TIAM1: variants seen among roughly 807,000 people sequenced by gnomAD.
TIAM1 encodes TIAM Rac1 associated GEF 1.
TIAM1 carries 65 observed loss-of-function variants against 163.5 expected under a neutral mutation model. The ratio of observed to expected loss-of-function variants is 0.40; its 90% CI spans 0.33 to 0.49. The LOEUF is 0.49. Among genes scored for constraint, TIAM1 ranks in the 20% least tolerant of loss-of-function variants. The pLI is 0.77. For missense variants in TIAM1, 1,789 were observed against 2,044.7 expected, an observed-to-expected ratio of 0.87 and a Z score of 2.41; for synonymous variants, 833 against 810.1, an observed-to-expected ratio of 1.03 and a Z score of -0.48.
rs560091206 is a variant in TIAM1 at position 31,251,858 on chromosome 21, C to T, written c.1295G>A (p.Gly432Asp). 1 of 1,613,868 alleles carries T rather than the reference C, an allele frequency of 6.2e-7. No homozygotes were observed. Among genetic ancestry groups the T allele is most frequent in the Non-Finnish European group, 8.5e-7 (1 of 1,179,926 alleles). Reference sequence around the variant, plus strand: ...CAGGGCGCCGGCCTTGCGCACCGTGCCCTGTGCGGCGGTCAGCAGGATGTC... The same window carrying T: ...CAGGGCGCCGGCCTTGCGCACCGTGTCCTGTGCGGCGGTCAGCAGGATGTC... ...QSDILLTAAQGTVRKAGALAV... is the reference protein window; with the variant it reads ...QSDILLTAAQDTVRKAGALAV... Residue 432 changes from glycine (G) to aspartate (D), a missense_variant, in exon 5 of 28, where the codon GGC becomes GAC. Gly to Asp is a moderately conservative substitution (Grantham distance 94). Transcript: ENST00000541036.
chr21:31,266,651 C>A lies in TIAM1; in HGVS notation c.322G>T (p.Val108Phe), dbSNP rs2072788955. 1.2e-6 allele frequency: 2 copies of A among 1,614,194 alleles called. No homozygotes were observed. Among genetic ancestry groups the A allele is most frequent in the Non-Finnish European group, 8.5e-7 (1 of 1,180,048 alleles). ...ATGCTGCTGTCTACGCTGGGAGTGA[C>A]AGAAGAGTCAGTGTAAGACACAGGT... Reference protein sequence around the residue: ...LRPVSYTDSSVTPSVDSSIVL... With the variant: ...LRPVSYTDSSFTPSVDSSIVL... The change falls in exon 4 of 28, where the codon GTC becomes TTC. Residue 108 changes from valine to phenylalanine, a missense_variant. This residue lies in a region of TIAM1 where 555 missense variants were observed against 564.9 expected (regional missense o/e 0.98). Transcript: ENST00000541036.
chr21:31,497,950 C>A (rs1321984811), intron 1 of TIAM1, among the ~76,000 whole-genome samples: 1 of 152,212 alleles, frequency 6.6e-6, no homozygotes, highest in Non-Finnish European at 1.5e-5. Context: ...GACTTACAAG[C>A]CACAATTCCC....
At chr21:31,514,876 G>C in intron 1 of TIAM1, among the ~76,000 whole-genome samples, 1 of 152,228 alleles carries the variant, frequency 6.6e-6, no homozygotes, top group South Asian at 2.1e-4. Context: ...ACGGGACAAA[G>C]CAGACTTTGT....
intron 9 of TIAM1, among the ~76,000 whole-genome samples, 185 bp downstream of exon 9, chr21:31,217,368 T>C (rs1277080981): frequency 6.6e-6 from 1 of 152,178 alleles, no homozygotes; most frequent in Admixed American, 6.5e-5. Context: ...GATAGACTAA[T>C]AGCAGAGTTC....
chr21:31,243,225 T>C (rs1203100508), intron 6 of TIAM1, among the ~76,000 whole-genome samples: 4 of 144,988 alleles, frequency 2.8e-5, no homozygotes. Context: ...TATATATATA[T>C]GTATATTTCA....
At chr21:31,282,524 T>C (rs528124051) in intron 2 of TIAM1, among the ~76,000 whole-genome samples, 1 of 152,308 alleles carries the variant, frequency 6.6e-6, no homozygotes, top group African/African-American at 2.4e-5. Flanking sequence ...TGATTGTAGC[T>C]GGGACATGCT....
chr21:31,255,830 G>A (rs539073823), intron 4 of TIAM1, among the ~76,000 whole-genome samples: 2 of 152,270 alleles, frequency 1.3e-5, no homozygotes, highest in South Asian at 2.1e-4. Context: ...GAACCACTCC[G>A]TTGAAGAGAT....
Position 31,120,197 on chromosome 21 carries a change from G to T in TIAM1, c.*171C>A. On this transcript the variant is annotated 3_prime_UTR_variant, in exon 28 of 28. Transcript: ENST00000541036. This position sits in a 1 kb window ranked among gnomAD's most constrained non-coding sequence, Gnocchi z 4.2. The stretch of plus-strand genomic sequence containing the variant: ...ATTCTGATCAATTCTTTCTGATGTT[G>T]TTGAAAATGACAAAGTTGGGTGGCT... 1.7e-6 allele frequency: 1 copy of T among 602,684 alleles called. No homozygotes were observed. 37.3% of individuals were successfully genotyped at this position (602,684 alleles called of 1,614,324 possible).
At chr21:31,201,116 A>G (rs1373863955) in intron 12 of TIAM1, among the ~76,000 whole-genome samples, 1 of 152,244 alleles carries the variant, frequency 6.6e-6, no homozygotes, top group Non-Finnish European at 1.5e-5. Context: ...GAACCTGGTT[A>G]GGCATGATCC....
At chr21:31,376,777 G>A (rs980952514) in intron 2 of TIAM1, among the ~76,000 whole-genome samples, 5 of 151,908 alleles carry the variant, frequency 3.3e-5, no homozygotes, top group African/African-American at 1.2e-4. Context: ...CTGGATGAAT[G>A]GTAAGTGATG....
At chr21:31,185,679 TTATA>T (rs1465342743) in intron 14 of TIAM1, among the ~76,000 whole-genome samples, 1 of 147,586 alleles carries the variant, frequency 6.8e-6, no homozygotes, top group Admixed American at 6.9e-5. Context: ...ATCATTATAA[TTATA>T]TAATAATTAC....
chr21:31,261,712 C>CAA (rs34427390), intron 4 of TIAM1, among the ~76,000 whole-genome samples: 2 of 151,584 alleles, frequency 1.3e-5, no homozygotes, highest in South Asian at 2.1e-4. Flanking sequence ...GACTCCGTCT[C>CAA]AAAAAAAAGA....
chr21:31,231,194 C>G lies in TIAM1; in HGVS notation c.1585-5244G>C, dbSNP rs536597897. 1.3e-3 allele frequency among the ~76,000 whole-genome samples: 197 copies of G among 152,278 alleles called. 2 individuals carry two copies. Among genetic ancestry groups the G allele is most frequent in the African/African-American group, 4.5e-3 (185 of 41,542 alleles). On this transcript the variant is annotated intron_variant, in intron 6 of 27. Coordinates refer to ENST00000541036, the MANE Select transcript of TIAM1 (RefSeq NM_001353694.2). ...GATCCATAAGAGTCTAGGATGAGTA[C>G]GGCTCTGGAGCCAGCCTCGATCATG...
At chr21:31,152,524 C>T in intron 19 of TIAM1, 112 bp downstream of exon 19, 1 of 1,438,126 alleles carries the variant, frequency 7.0e-7, no homozygotes, top group African/African-American at 1.4e-5. Flanking sequence ...TCTCAGACAC[C>T]CTTAGGAACA....
intron 8 of TIAM1, among the ~76,000 whole-genome samples, chr21:31,219,566 C>T (rs1378618484): frequency 2.0e-5 from 3 of 152,052 alleles, no homozygotes; most frequent in African/African-American, 7.2e-5. Flanking sequence ...ATGTAAACAC[C>T]GCAGAAGCCC....
At chr21:31,503,614 G>GGGAGA (rs1569393743) in intron 1 of TIAM1, among the ~76,000 whole-genome samples, 61 of 4,248 alleles carry the variant, frequency 0.014, no homozygotes, top group Non-Finnish European at 0.018. Flanking sequence ...GGGAGGGGAG[G>GGGAGA]GACCTGAAAT....
chr21:31,539,576 G>T (rs1237926741), intron 1 of TIAM1, among the ~76,000 whole-genome samples: 1 of 152,068 alleles, frequency 6.6e-6, no homozygotes, highest in Non-Finnish European at 1.5e-5. Context: ...GAATGGGCTA[G>T]TTATTCTGTA....
At chr21:31,381,510 A>C (rs2076778507) in intron 2 of TIAM1, among the ~76,000 whole-genome samples, 1 of 152,114 alleles carries the variant, frequency 6.6e-6, no homozygotes, top group African/African-American at 2.4e-5. Flanking sequence ...TCTACTAAAA[A>C]TACAAAAATT....
At chr21:31,180,121 G>T (rs1012907312) in intron 15 of TIAM1, among the ~76,000 whole-genome samples, 9 of 152,040 alleles carry the variant, frequency 5.9e-5, no homozygotes, top group Admixed American at 5.9e-4. Flanking sequence ...GGCCAGGCTG[G>T]TCTCAAATTC....
Sources: allele counts gnomAD v4.1 joint callset (sites outside exome capture counted in the v4.1 genomes callset), GRCh38; gene constraint gnomAD v4.1.1; regional missense constraint gnomAD v4.1.1; non-coding constraint Gnocchi (gnomAD v3.1); transcripts MANE v1.5; gene names NCBI Gene and HGNC (gene_info 2026-07-23, HGNC 2026-07-21).